FAM110B: variants seen among roughly 807,000 people sequenced by gnomAD.
The protein encoded by FAM110B is protein FAM110B.
In FAM110B, 6 loss-of-function variants were observed where a neutral mutation model predicts 20.4. That is an observed-to-expected ratio of 0.29 (90% CI 0.16 to 0.58). The LOEUF (loss-of-function observed/expected upper bound fraction) is 0.58. FAM110B is among the 20% of genes least tolerant of loss of function. The probability of loss-of-function intolerance (pLI) is 0.90; values close to 1 mark genes in which losing one functional copy is unlikely to be tolerated. For synonymous variants in FAM110B, 226 were observed against 214.1 expected (o/e 1.06, Z -0.49); for missense variants, 434 against 498.2 (o/e 0.87, Z 1.23).
At chr8:58,044,217 T>C (rs1228756877) in intron 2 of FAM110B, among the ~76,000 whole-genome samples, 1 of 152,184 alleles carries the variant, frequency 6.6e-6, no homozygotes, top group East Asian at 1.9e-4. Flanking sequence ...AAGTGAATAA[T>C]GTGCAATCCT....
chr8:58,090,601 G>T (rs1392535839), intron 3 of FAM110B, among the ~76,000 whole-genome samples: 1 of 152,168 alleles, frequency 6.6e-6, no homozygotes. Context: ...AAGTTTTAGG[G>T]CAGTCAAAAG....
intron 3 of FAM110B, among the ~76,000 whole-genome samples, chr8:58,117,018 T>C (rs1807231003): frequency 6.6e-6 from 1 of 151,962 alleles, no homozygotes; most frequent in Non-Finnish European, 1.5e-5. Flanking sequence ...AGAAGGTGAG[T>C]GCATATCTCA....
intron 2 of FAM110B, among the ~76,000 whole-genome samples, chr8:58,064,570 A>G (rs904316947): frequency 6.6e-6 from 1 of 152,194 alleles, no homozygotes; most frequent in Non-Finnish European, 1.5e-5. Flanking sequence ...TACTATATAC[A>G]TCTTTTTCAG....
intron 1 of FAM110B, among the ~76,000 whole-genome samples, chr8:58,024,172 C>CTT (rs10651271): frequency 4.6e-5 from 6 of 129,512 alleles, no homozygotes; most frequent in East Asian, 2.2e-4. Context: ...TTTCACTGTG[C>CTT]TTTTTTTTTT....
chr8:58,127,982 G>A (rs566102501), intron 3 of FAM110B, among the ~76,000 whole-genome samples: 1 of 152,306 alleles, frequency 6.6e-6, no homozygotes, highest in African/African-American at 2.4e-5. Context: ...GAATTTGCAT[G>A]TGTTTGGATG....
At chr8:58,006,923 A>ATATATATATATATTTTTTTTTTT in intron 1 of FAM110B, among the ~76,000 whole-genome samples, 3 of 126,516 alleles carry the variant, frequency 2.4e-5, no homozygotes, top group African/African-American at 6.1e-5. Flanking sequence ...ATATATATAT[A>ATATATATATATATTTTTTTTTTT]TTTTTCCAAA....
chr8:57,997,939 A>G (rs1447103310), intron 1 of FAM110B, among the ~76,000 whole-genome samples: 4 of 152,140 alleles, frequency 2.6e-5, no homozygotes, highest in Admixed American at 6.5e-5. Flanking sequence ...CACATAGCTA[A>G]TATGTAGCAA....
At chr8:58,079,814 A>T (rs990780146) in intron 3 of FAM110B, among the ~76,000 whole-genome samples, 1 of 152,128 alleles carries the variant, frequency 6.6e-6, no homozygotes, top group African/African-American at 2.4e-5. Flanking sequence ...ACATATTAAA[A>T]TTTTTTAAAT....
At chr8:58,105,048 C>T (rs1164575334) in intron 3 of FAM110B, among the ~76,000 whole-genome samples, 1 of 148,718 alleles carries the variant, frequency 6.7e-6, no homozygotes, top group Non-Finnish European at 1.5e-5. Flanking sequence ...GGGTAACCTT[C>T]AGCTTTGCAG....
chr8:58,136,436 G>A (rs1301789189), intron 3 of FAM110B, among the ~76,000 whole-genome samples: 1 of 152,122 alleles, frequency 6.6e-6, no homozygotes. Flanking sequence ...TGAGCATGAA[G>A]CCACATAAAG....
chr8:58,114,797 G>A (rs184293227), intron 3 of FAM110B, among the ~76,000 whole-genome samples: 1 of 152,098 alleles, frequency 6.6e-6, no homozygotes, highest in Non-Finnish European at 1.5e-5. Flanking sequence ...ATCTCTTTTT[G>A]CAGATGAGGA....
rs780589363 is a variant in FAM110B, at chr8:58,088,797, TA to T, written c.-325+13176del. ...TATCAAGGACAGACTTCTCTGCTTT[TA>T]ATACTAGCTTTTTGATCAGAGGGCT... On this transcript the variant is annotated intron_variant, in intron 3 of 3. Coordinates refer to ENST00000519262, the MANE Select transcript of FAM110B (RefSeq NM_001377989.1). 1.6e-3 allele frequency among the ~76,000 whole-genome samples: 240 copies of T among 152,356 alleles called. 2 individuals are homozygous for T. Among genetic ancestry groups the T allele is most frequent in the Non-Finnish European group, 2.7e-3 (182 of 68,018 alleles).
intron 2 of FAM110B, among the ~76,000 whole-genome samples, chr8:58,047,914 G>A (rs866652161): frequency 6.6e-6 from 1 of 152,060 alleles, no homozygotes; most frequent in African/African-American, 2.4e-5. Context: ...GTCAAAGTAG[G>A]ATTTAATTTA....
chr8:58,007,797 T>C lies in FAM110B; in HGVS notation c.-512+12991T>C, dbSNP rs114082644. On this transcript the variant is annotated intron_variant, in intron 1 of 3. Transcript: ENST00000519262. Reference sequence around the variant, plus strand: ...AAATTTGTGTGGTTTATAAGCTGTCTAGTTTACAGAATTTTGTTATAGAAG... The same window carrying C: ...AAATTTGTGTGGTTTATAAGCTGTCCAGTTTACAGAATTTTGTTATAGAAG... 4.7e-3 allele frequency among the ~76,000 whole-genome samples: 720 copies of C among 152,300 alleles called. 6 individuals carry two copies. The highest frequency in any genetic ancestry group is 0.016 in the African/African-American group (680 of 41,564).
chr8:58,119,396 C>T (rs147008068), intron 3 of FAM110B, among the ~76,000 whole-genome samples: 163 of 152,264 alleles, frequency 1.1e-3, no homozygotes, highest in African/African-American at 3.8e-3. Flanking sequence ...AGGCACACCC[C>T]CGTAAGCCTC....
At chr8:58,136,713 C>T (rs1157717649) in intron 3 of FAM110B, among the ~76,000 whole-genome samples, 2 of 152,292 alleles carry the variant, frequency 1.3e-5, no homozygotes, top group Non-Finnish European at 2.9e-5. Flanking sequence ...TAACACATTC[C>T]TTACCTTAGG....
chr8:58,057,955 T>C (rs1049405098), intron 2 of FAM110B, among the ~76,000 whole-genome samples: 1 of 152,242 alleles, frequency 6.6e-6, no homozygotes, highest in Non-Finnish European at 1.5e-5. Flanking sequence ...CTGCATTGCT[T>C]TGACTTGTCC....
chr8:58,065,883 T>A (rs1805749704), intron 2 of FAM110B, among the ~76,000 whole-genome samples: 1 of 152,150 alleles, frequency 6.6e-6, no homozygotes, highest in Non-Finnish European at 1.5e-5. Context: ...GTCATTGGCA[T>A]TGTTGAATCT....
At chr8:58,014,586 T>C (rs1264733180) in intron 1 of FAM110B, among the ~76,000 whole-genome samples, 2 of 152,342 alleles carry the variant, frequency 1.3e-5, no homozygotes, top group Non-Finnish European at 2.9e-5. Flanking sequence ...AAGATGACCT[T>C]TGATGCAACA....
Sources: gnomAD v4.1 joint callset for allele counts (sites outside exome capture counted in the v4.1 genomes callset) on GRCh38, gnomAD v4.1.1 for gene constraint, MANE v1.5 for transcripts, NCBI Gene and HGNC (gene_info 2026-07-23, HGNC 2026-07-21) for gene names.